RFX7: variants seen among roughly 807,000 people sequenced by gnomAD.
RFX7 encodes the protein DNA-binding protein RFX7.
In RFX7, 26 loss-of-function variants were observed where a neutral mutation model predicts 111.8. That is an observed-to-expected ratio of 0.23 (90% CI 0.17 to 0.32). The LOEUF is 0.32. Ranked by LOEUF, RFX7 falls within the 10% of genes least tolerant of loss-of-function variation. The pLI is 1.00. For missense variants in RFX7, 1,573 were observed against 1,772.9 expected, an observed-to-expected ratio of 0.89 and a Z score of 2.02; for synonymous variants, 624 against 624.4, an observed-to-expected ratio of 1.00 and a Z score of 0.01.
chr15:56,234,578 C>T (rs2043602369), intron 2 of RFX7, among the ~76,000 whole-genome samples: 1 of 152,186 alleles, frequency 6.6e-6, no homozygotes, highest in South Asian at 2.1e-4. Flanking sequence ...GATTCACTTA[C>T]ATTAACTAAA....
chr15:56,178,130 T>C (rs760013636), intron 3 of RFX7, among the ~76,000 whole-genome samples: 149 of 139,794 alleles, frequency 1.1e-3, no homozygotes, highest in East Asian at 2.1e-4. Flanking sequence ...AGAGGATTAT[T>C]ATAAGACAAA....
chr15:56,161,245 C>A (rs1342036150), intron 3 of RFX7, among the ~76,000 whole-genome samples: 1 of 152,044 alleles, frequency 6.6e-6, no homozygotes, highest in South Asian at 2.1e-4. Context: ...AGAGAATTTA[C>A]TGCAACCTAA....
rs1567000351 is a variant in RFX7, at chr15:56,091,663, G to A, written c.*1682C>T. The A allele has an allele frequency of 6.6e-6, 1 of 152,182 alleles. No homozygotes were observed. The highest frequency in any genetic ancestry group is 1.9e-4 in the East Asian group (1 of 5,176). 9.4% of individuals were successfully genotyped at this position (152,182 alleles called of 1,614,324 possible). Reference sequence around the variant, plus strand: ...GTGCTGTGTCTCAATGTACAGTGAAGAAATAACTAGCATCAAGAAAAAAAT... The same window carrying A: ...GTGCTGTGTCTCAATGTACAGTGAAAAAATAACTAGCATCAAGAAAAAAAT... On this transcript the variant is annotated 3_prime_UTR_variant, in exon 10 of 10. Transcript: ENST00000559447.
At chr15:56,124,775 A>G (rs1426577460) in intron 5 of RFX7, among the ~76,000 whole-genome samples, 1 of 152,188 alleles carries the variant, frequency 6.6e-6, no homozygotes, top group Non-Finnish European at 1.5e-5. Context: ...GTTTAGATGA[A>G]TAGTTTGCAA....
chr15:56,211,602 A>C (rs2043313606), intron 2 of RFX7, among the ~76,000 whole-genome samples: 1 of 152,174 alleles, frequency 6.6e-6, no homozygotes, highest in Non-Finnish European at 1.5e-5. Flanking sequence ...TGCCAAGAGA[A>C]AAGAAAGTTG....
At chr15:56,143,568 A>T (rs1214378610) in intron 4 of RFX7, among the ~76,000 whole-genome samples, 4 of 152,132 alleles carry the variant, frequency 2.6e-5, no homozygotes, top group African/African-American at 7.2e-5. Flanking sequence ...ACTTATAAAT[A>T]AATACCGAAA....
chr15:56,089,411 T>C lies in RFX7; in HGVS notation c.*3934A>G, dbSNP rs1282895257. 1.3e-5 allele frequency: 2 copies of C among 152,482 alleles called. No homozygotes were observed. The highest frequency in any genetic ancestry group is 6.6e-5 in the Admixed American group (1 of 15,258). The allele number at this position is 152,482 out of a possible 1,614,324, so 9.4% of individuals were successfully genotyped here. On this transcript the variant is annotated 3_prime_UTR_variant, in exon 10 of 10. Coordinates refer to ENST00000559447, the MANE Select transcript of RFX7 (RefSeq NM_022841.7). ...CTGGTGCCTGTAAACAATGAACCAT[T>C]GAATGAACCCTTGAACCTCCTATCT...
chr15:56,169,315 T>C (rs1188694177), intron 3 of RFX7, among the ~76,000 whole-genome samples: 1 of 152,220 alleles, frequency 6.6e-6, no homozygotes, highest in East Asian at 1.9e-4. Context: ...CCCTCAGTAA[T>C]TCCATATGGT....
At chr15:56,124,588 T>A (rs557241143) in intron 5 of RFX7, among the ~76,000 whole-genome samples, 1 of 152,246 alleles carries the variant, frequency 6.6e-6, no homozygotes, top group African/African-American at 2.4e-5. Flanking sequence ...GTGGTTTTTA[T>A]CTGCGTTTCC....
chr15:56,240,562 T>A (rs2141247047), intron 2 of RFX7, among the ~76,000 whole-genome samples: 1 of 152,280 alleles, frequency 6.6e-6, no homozygotes, highest in South Asian at 2.1e-4. Flanking sequence ...CATCACATAC[T>A]ATATTTATAT....
chr15:56,157,496 A>C (rs1174138849), intron 3 of RFX7, among the ~76,000 whole-genome samples: 3 of 152,192 alleles, frequency 2.0e-5, no homozygotes, highest in Non-Finnish European at 4.4e-5. Context: ...GGGATTCTTT[A>C]TTACAGATGA....
At chr15:56,227,886 G>A (rs1217729238) in intron 2 of RFX7, among the ~76,000 whole-genome samples, 1 of 151,974 alleles carries the variant, frequency 6.6e-6, no homozygotes, top group Admixed American at 6.6e-5. Flanking sequence ...TTTGTGCAAG[G>A]CAGTTCTACC....
chr15:56,108,463 CAAT>C (rs2041861127), intron 5 of RFX7, among the ~76,000 whole-genome samples: 2 of 152,154 alleles, frequency 1.3e-5, no homozygotes, highest in Non-Finnish European at 2.9e-5. Context: ...ATGATTCTCT[CAAT>C]AAATGCAGAA....
chr15:56,125,643 GTGTA>G (rs1400265723), intron 5 of RFX7, among the ~76,000 whole-genome samples: 4 of 149,644 alleles, frequency 2.7e-5, no homozygotes, highest in African/African-American at 5.0e-5. Context: ...GTGTGTGTGT[GTGTA>G]TGTGGCTAAC....
chr15:56,182,227 G>A (rs976403974), intron 2 of RFX7, among the ~76,000 whole-genome samples: 6 of 151,898 alleles, frequency 4.0e-5, no homozygotes, highest in Admixed American at 6.6e-5. Context: ...CCCTCCATCT[G>A]TGGGAAAATT....
At chr15:56,138,230 T>C (rs1308688614) in intron 5 of RFX7, among the ~76,000 whole-genome samples, 2 of 135,218 alleles carry the variant, frequency 1.5e-5, no homozygotes, top group Non-Finnish European at 3.2e-5. Context: ...AAGTCTCCCA[T>C]TATTAATGTG....
At chr15:56,210,973 T>G (rs1183744104) in intron 2 of RFX7, among the ~76,000 whole-genome samples, 9 of 151,980 alleles carry the variant, frequency 5.9e-5, no homozygotes, top group African/African-American at 2.2e-4. Flanking sequence ...TCCCCTGGCA[T>G]TAAAAAGATA....
intron 2 of RFX7, among the ~76,000 whole-genome samples, chr15:56,194,813 G>A (rs1453104626): frequency 4.6e-5 from 7 of 152,118 alleles, no homozygotes; most frequent in African/African-American, 1.7e-4. Flanking sequence ...CACATTGCTT[G>A]TGGGAATGAA....
At chr15:56,149,436 C>T (rs1046690143) in intron 3 of RFX7, among the ~76,000 whole-genome samples, 4 of 152,160 alleles carry the variant, frequency 2.6e-5, no homozygotes, top group African/African-American at 4.8e-5. Context: ...GGAACAGCAC[C>T]GGTCTGCAAT....
Sources: allele counts gnomAD v4.1 joint callset (sites outside exome capture counted in the v4.1 genomes callset), GRCh38; gene constraint gnomAD v4.1.1; transcripts MANE v1.5; gene names NCBI Gene and HGNC (gene_info 2026-07-23, HGNC 2026-07-21).